CPPED1: variants seen among roughly 807,000 people sequenced by gnomAD.
The protein encoded by CPPED1 is calcineurin like phosphoesterase domain containing 1.
Under a neutral mutation model 28.0 loss-of-function variants are expected in CPPED1, and 28 were observed. The ratio of observed to expected loss-of-function variants is 1.00; its 90% CI spans 0.74 to 1.37. The LOEUF is 1.37. CPPED1 is among the 40% of genes most tolerant of loss of function. The probability of loss-of-function intolerance (pLI) is 0.00; values close to 1 mark genes in which losing one functional copy is unlikely to be tolerated. For missense variants in CPPED1, 504 were observed against 416.5 expected (o/e 1.21, Z -1.83); for synonymous variants, 198 against 180.2 (o/e 1.10, Z -0.79).
intron 1 of CPPED1, among the ~76,000 whole-genome samples, chr16:12,789,675 G>A (rs1203703977): frequency 6.6e-6 from 1 of 151,976 alleles, no homozygotes; most frequent in Admixed American, 6.6e-5. Context: ...ACAGGTGCGC[G>A]ACACCATGCC....
chr16:12,731,846 C>T (rs549102694), intron 2 of CPPED1, among the ~76,000 whole-genome samples: 14 of 150,362 alleles, frequency 9.3e-5, no homozygotes, highest in African/African-American at 3.4e-4. Context: ...GAAACAGAGG[C>T]GATATGGGGA....
rs925633014 is a variant in CPPED1, at chr16:12,670,298, A to T, written c.716-5183T>A. Among the ~76,000 whole-genome samples, 3 of 152,174 alleles carry T rather than the reference A, an allele frequency of 2.0e-5. No individual in the cohort carries two copies. The highest frequency in any genetic ancestry group is 7.2e-5 in the African/African-American group (3 of 41,432). ...TGACAGAGAGACCTTGTCTCTAAAA[A>T]CAAACAAATAAAAACTTTGCAAGAC... is the stretch of plus-strand genomic sequence containing the variant. On this transcript the variant is annotated intron_variant, in intron 3 of 3. Transcript: ENST00000381774. The surrounding 1 kb of genome is among the most constrained non-coding windows in gnomAD (Gnocchi z 4.2).
intron 2 of CPPED1, among the ~76,000 whole-genome samples, chr16:12,773,716 C>T (rs1363578877): frequency 6.6e-6 from 1 of 151,930 alleles, no homozygotes; most frequent in Non-Finnish European, 1.5e-5. Context: ...TGAGGCTGTG[C>T]CTCAAAAAAT....
At chr16:12,773,456 T>C (rs149646725) in intron 2 of CPPED1, among the ~76,000 whole-genome samples, 1 of 152,260 alleles carries the variant, frequency 6.6e-6, no homozygotes, top group Non-Finnish European at 1.5e-5. Flanking sequence ...GCGTGGTGGC[T>C]CATGCCTGAT....
intron 2 of CPPED1, among the ~76,000 whole-genome samples, chr16:12,740,083 G>A (rs951622962): frequency 2.7e-5 from 4 of 150,742 alleles, no homozygotes; most frequent in African/African-American, 4.9e-5. Flanking sequence ...AGAAAGGAAA[G>A]AAAGGAAAGG....
At chr16:12,665,511 G>T (rs1382128419) in intron 3 of CPPED1, among the ~76,000 whole-genome samples, 1 of 152,134 alleles carries the variant, frequency 6.6e-6, no homozygotes, top group Non-Finnish European at 1.5e-5. Flanking sequence ...AACATTTATG[G>T]CCAGGGATGG....
At chr16:12,730,122 G>A (rs1225804783) in intron 2 of CPPED1, among the ~76,000 whole-genome samples, 1 of 152,042 alleles carries the variant, frequency 6.6e-6, no homozygotes, top group Non-Finnish European at 1.5e-5. Context: ...TTAGCCTCCC[G>A]AGTTGCTGGG....
chr16:12,751,754 T>A (rs138273640), intron 2 of CPPED1, among the ~76,000 whole-genome samples: 116 of 152,336 alleles, frequency 7.6e-4, no homozygotes, highest in African/African-American at 2.6e-3. Context: ...TGATAATGTT[T>A]TACTTCTGAA....
In CPPED1 at chr16:12,659,874, T is replaced by C. The variant is rs2079784326; in HGVS notation, c.*5012A>G. 1 of 152,494 alleles carries C rather than the reference T, an allele frequency of 6.6e-6. No individual in the cohort carries two copies. The highest frequency in any genetic ancestry group is 6.5e-5 in the Admixed American group (1 of 15,278). The allele number at this position is 152,494 out of a possible 1,614,324, so 9.4% of individuals were successfully genotyped here. ...GGAGGCCTCAGGAAACTTACAATCC[T>C]GGTGGAAGGGGAAGCAGGCATGTCT... On this transcript the variant is annotated 3_prime_UTR_variant, in exon 4 of 4. Coordinates refer to ENST00000381774, the MANE Select transcript of CPPED1 (RefSeq NM_018340.3).
At chr16:12,695,245 C>A (rs1418385541) in intron 3 of CPPED1, among the ~76,000 whole-genome samples, 1 of 152,118 alleles carries the variant, frequency 6.6e-6, no homozygotes, top group East Asian at 1.9e-4. Flanking sequence ...GCTCAAGCTG[C>A]CTCCTTACAT....
chr16:12,692,153 C>T (rs983895507), intron 3 of CPPED1, among the ~76,000 whole-genome samples: 9 of 152,074 alleles, frequency 5.9e-5, no homozygotes, highest in African/African-American at 2.2e-4. Context: ...TGTGCCCGGC[C>T]GTGTCCATTG....
At chr16:12,689,217 CTT>C (rs869107040) in intron 3 of CPPED1, among the ~76,000 whole-genome samples, 39 of 83,570 alleles carry the variant, frequency 4.7e-4, no homozygotes, top group East Asian at 8.3e-4. Context: ...GAAAAGAGGG[CTT>C]TTTTTTTTTT....
At chr16:12,718,596 G>A (rs1446316184) in intron 2 of CPPED1, among the ~76,000 whole-genome samples, 2 of 151,674 alleles carry the variant, frequency 1.3e-5, no homozygotes, top group Non-Finnish European at 2.9e-5. Flanking sequence ...ATTTGTTGGT[G>A]AGAGCATGGG....
At chr16:12,695,079 A>G (rs1027444259) in intron 3 of CPPED1, among the ~76,000 whole-genome samples, 1 of 152,140 alleles carries the variant, frequency 6.6e-6, no homozygotes, top group Non-Finnish European at 1.5e-5. Context: ...CACTCAGCCT[A>G]AAAATTTCAT....
At chr16:12,721,889 T>C (rs1174275325) in intron 2 of CPPED1, among the ~76,000 whole-genome samples, 2 of 152,156 alleles carry the variant, frequency 1.3e-5, no homozygotes. Context: ...CTTCAAAATA[T>C]TTTCTCTCCG....
intron 3 of CPPED1, among the ~76,000 whole-genome samples, chr16:12,672,421 C>A (rs1244402976): frequency 1.3e-5 from 2 of 152,170 alleles, no homozygotes; most frequent in Non-Finnish European, 2.9e-5. Context: ...TGTTAAATGA[C>A]ATTATGCGCA....
In CPPED1 at chr16:12,682,062, C is replaced by T. The variant is rs2141172708; in HGVS notation, c.716-16947G>A. Among the ~76,000 whole-genome samples the T allele has an allele frequency of 6.6e-6, 1 of 152,208 alleles. No individual in the cohort carries two copies. Among genetic ancestry groups the T allele is most frequent in the African/African-American group, 2.4e-5 (1 of 41,522 alleles). ...GTTTATTACTTTTTTGAGACAGTGT[C>T]TCTCTCGGTCGCCTATGTTGGAGTG... On this transcript the variant is annotated intron_variant, in intron 3 of 3. Transcript: ENST00000381774. The surrounding 1 kb of genome is among the most constrained non-coding windows in gnomAD (Gnocchi z 6.1).
At chr16:12,743,825 G>T (rs1276977724) in intron 2 of CPPED1, among the ~76,000 whole-genome samples, 1 of 152,014 alleles carries the variant, frequency 6.6e-6, no homozygotes, top group Non-Finnish European at 1.5e-5. Flanking sequence ...GCAGCACGAT[G>T]AAACCCCATC....
intron 3 of CPPED1, among the ~76,000 whole-genome samples, chr16:12,702,078 C>A (rs542076830): frequency 6.6e-6 from 1 of 152,290 alleles, no homozygotes; most frequent in South Asian, 2.1e-4. Flanking sequence ...TGGTTTGTAG[C>A]TATCAGTCTC....
Sources: allele counts gnomAD v4.1 joint callset (sites outside exome capture counted in the v4.1 genomes callset), GRCh38; gene constraint gnomAD v4.1.1; non-coding constraint Gnocchi (gnomAD v3.1); transcripts MANE v1.5; gene names NCBI Gene and HGNC (gene_info 2026-07-23, HGNC 2026-07-21).